The following NGF variants were observed in gnomAD, a reference collection of about 807,000 sequenced individuals.
NGF encodes nerve growth factor.
Under a neutral mutation model 12.8 loss-of-function variants are expected in NGF, and 4 were observed. The ratio of observed to expected loss-of-function variants is 0.31; its 90% CI spans 0.15 to 0.72. The LOEUF (loss-of-function observed/expected upper bound fraction) is 0.72, where lower values mean the gene tolerates loss of function less well. Among genes scored for constraint, NGF ranks in the 30% least tolerant of loss-of-function variants. The pLI is 0.69. For synonymous variants in NGF, 140 were observed against 130.0 expected (o/e 1.08, Z -0.52); for missense variants, 283 against 330.8 (o/e 0.86, Z 1.12).
chr1:115,335,310 G>A (rs1397864536), intron 1 of NGF, among the ~76,000 whole-genome samples: 1 of 152,194 alleles, frequency 6.6e-6, no homozygotes. Context: ...TTTGGAGTTA[G>A]GATCTTAACT....
At chr1:115,331,721 G>T (rs1654927713) in intron 1 of NGF, among the ~76,000 whole-genome samples, 1 of 152,174 alleles carries the variant, frequency 6.6e-6, no homozygotes, top group African/African-American at 2.4e-5. Context: ...GTTTTTCACA[G>T]CCCCAGCAAT....
intron 1 of NGF, among the ~76,000 whole-genome samples, chr1:115,311,836 A>C (rs1654342626): frequency 6.6e-6 from 1 of 152,210 alleles, no homozygotes; most frequent in African/African-American, 2.4e-5. Flanking sequence ...TAAGATCTGG[A>C]TGACAACACT....
intron 1 of NGF, among the ~76,000 whole-genome samples, chr1:115,303,524 C>CCATCACCACTACTTTCTCCATCAT (rs1654104233): frequency 6.6e-6 from 1 of 151,562 alleles, no homozygotes; most frequent in African/African-American, 2.4e-5. Flanking sequence ...TTCTCCATCA[C>CCATCACCACTACTTTCTCCATCAT]CATCACCACT....
chr1:115,317,222 C>T (rs1160512491), intron 1 of NGF, among the ~76,000 whole-genome samples: 1 of 152,086 alleles, frequency 6.6e-6, no homozygotes, highest in African/African-American at 2.4e-5. Context: ...TGCAGGGCAG[C>T]TCGAGTGTTG....
intron 1 of NGF, among the ~76,000 whole-genome samples, chr1:115,317,427 C>T (rs1654501966): frequency 6.6e-6 from 1 of 152,166 alleles, no homozygotes; most frequent in South Asian, 2.1e-4. Context: ...GGTTTTGACC[C>T]AGAGCCTTTT....
At chr1:115,304,642 C>T (rs560157940) in intron 1 of NGF, among the ~76,000 whole-genome samples, 2 of 152,182 alleles carry the variant, frequency 1.3e-5, no homozygotes, top group South Asian at 4.2e-4. Context: ...GTGCTTAGGC[C>T]TCCAAAAGAA....
intron 1 of NGF, among the ~76,000 whole-genome samples, chr1:115,297,439 T>C (rs551652724): frequency 4.5e-4 from 69 of 152,264 alleles, no homozygotes; most frequent in African/African-American, 1.6e-3. Flanking sequence ...CTAGGACTTA[T>C]CATCTCAGAA....
At chr1:115,296,837 A>G (rs544545263) in intron 1 of NGF, among the ~76,000 whole-genome samples, 1 of 152,354 alleles carries the variant, frequency 6.6e-6, no homozygotes, top group East Asian at 1.9e-4. Context: ...CAAATTTCTA[A>G]TGCAAAGGCA....
intron 1 of NGF, among the ~76,000 whole-genome samples, chr1:115,337,801 G>C (rs1347354744): frequency 6.6e-6 from 1 of 151,936 alleles, no homozygotes; most frequent in African/African-American, 2.4e-5. Context: ...CACTCCTCCC[G>C]CCCTGGCGCG....
chr1:115,298,606 T>C (rs1312683125), intron 1 of NGF, among the ~76,000 whole-genome samples: 14 of 151,446 alleles, frequency 9.2e-5, no homozygotes, highest in Admixed American at 8.5e-4. Flanking sequence ...ATCTTTGATG[T>C]AGTGCAAGCT....
chr1:115,290,386 CTTTTTTTTT>C (rs67332447), intron 2 of NGF, among the ~76,000 whole-genome samples: 1 of 64,412 alleles, frequency 1.6e-5, no homozygotes, highest in Non-Finnish European at 2.9e-5. Flanking sequence ...CTTCTCTCAT[CTTTTTTTTT>C]TTTTTTTTTT....
At chr1:115,311,688 C>T (rs1431864916) in intron 1 of NGF, among the ~76,000 whole-genome samples, 3 of 152,164 alleles carry the variant, frequency 2.0e-5, no homozygotes, top group Non-Finnish European at 4.4e-5. Context: ...TCACTAAATT[C>T]ACTTCCTTGT....
At chr1:115,337,160 G>A (rs1240966945) in intron 1 of NGF, among the ~76,000 whole-genome samples, 1 of 150,904 alleles carries the variant, frequency 6.6e-6, no homozygotes, top group Non-Finnish European at 1.5e-5. Flanking sequence ...GGAAAAACCA[G>A]CCTAGCAAGC....
At chr1:115,337,597 C>T (rs376267647) in intron 1 of NGF, among the ~76,000 whole-genome samples, 73 of 152,228 alleles carry the variant, frequency 4.8e-4, no homozygotes, top group Middle Eastern at 3.4e-3. Flanking sequence ...GGCGTTGGCT[C>T]GCAGACTTCC....
chr1:115,295,122 T>G (rs1200782161), intron 1 of NGF, among the ~76,000 whole-genome samples: 1 of 152,124 alleles, frequency 6.6e-6, no homozygotes, highest in Admixed American at 6.5e-5. Context: ...TCCAACTCCC[T>G]CTCAGCTTGT....
intron 1 of NGF, among the ~76,000 whole-genome samples, chr1:115,296,748 T>C (rs1046022286): frequency 3.3e-5 from 5 of 152,268 alleles, no homozygotes; most frequent in Non-Finnish European, 7.3e-5. Flanking sequence ...AAATGATTTT[T>C]ATAGATATTG....
intron 1 of NGF, among the ~76,000 whole-genome samples, chr1:115,305,415 G>A (rs1386785752): frequency 3.9e-5 from 6 of 152,096 alleles, no homozygotes; most frequent in Admixed American, 2.0e-4. Context: ...ACCCTACTCT[G>A]CACTGCTCAA....
At chr1:115,333,250 C>T (rs1285563955) in intron 1 of NGF, among the ~76,000 whole-genome samples, 1 of 152,120 alleles carries the variant, frequency 6.6e-6, no homozygotes, top group Admixed American at 6.5e-5. Flanking sequence ...ACAACAAATA[C>T]TTCGTGGTTA....
At chr1:115,313,574 C>A (rs11466080) in intron 1 of NGF, among the ~76,000 whole-genome samples, 2,443 of 152,236 alleles carry the variant, frequency 0.016, 72 homozygotes, top group African/African-American at 0.055. Context: ...TTATTAAAAG[C>A]TTTTTCTTTT....
Sources: allele counts gnomAD v4.1 joint callset (sites outside exome capture counted in the v4.1 genomes callset), GRCh38; gene constraint gnomAD v4.1.1; transcripts MANE v1.5; gene names NCBI Gene and HGNC (gene_info 2026-07-23, HGNC 2026-07-21).